Variants in EYA3 observed in about 807,000 individuals in gnomAD.
EYA3 encodes the protein EYA transcriptional coactivator and phosphatase 3, also known as protein phosphatase EYA3.
A neutral mutation model predicts 80.0 loss-of-function variants in EYA3; 39 were observed. The ratio of observed to expected loss-of-function variants is 0.49; its 90% CI spans 0.38 to 0.64. The LOEUF is 0.64. Ranked by LOEUF, EYA3 falls within the 30% of genes least tolerant of loss-of-function variation. The probability of loss-of-function intolerance (pLI) is 0.00; values close to 1 mark genes in which losing one functional copy is unlikely to be tolerated. For missense variants in EYA3, 523 were observed against 676.1 expected, an observed-to-expected ratio of 0.77 and a Z score of 2.51; for synonymous variants, 206 against 232.8, an observed-to-expected ratio of 0.88 and a Z score of 1.05.
intron 6 of EYA3, among the ~76,000 whole-genome samples, chr1:28,033,714 G>A (rs1197470999): frequency 3.3e-5 from 5 of 150,458 alleles, no homozygotes; most frequent in Non-Finnish European, 7.4e-5. Context: ...GAGTGCAGTG[G>A]CACCATCTCG....
chr1:28,088,204 GGGA>G (rs895907045), intron 1 of EYA3, among the ~76,000 whole-genome samples: 5 of 152,162 alleles, frequency 3.3e-5, no homozygotes, highest in African/African-American at 9.7e-5. Context: ...TCTAAAAGAA[GGGA>G]GGAGGAGAAA....
At chr1:28,077,182 C>A (rs991422555) in intron 1 of EYA3, among the ~76,000 whole-genome samples, 4 of 148,644 alleles carry the variant, frequency 2.7e-5, no homozygotes, top group Admixed American at 2.0e-4. Flanking sequence ...CGGCTCACTG[C>A]AACCTCCGCC....
At chr1:28,007,337 CTT>C (rs776771608) in intron 10 of EYA3, among the ~76,000 whole-genome samples, 14 of 131,626 alleles carry the variant, frequency 1.1e-4, no homozygotes, top group African/African-American at 8.3e-5. Flanking sequence ...TTCTTTCTTT[CTT>C]TTTTTTTTTT....
At chr1:27,995,996 C>T (rs566868297) in intron 13 of EYA3, among the ~76,000 whole-genome samples, 1 of 152,188 alleles carries the variant, frequency 6.6e-6, no homozygotes, top group Admixed American at 6.5e-5. Context: ...CCTCAGCCTC[C>T]CAAGTAGCTG....
At chr1:27,991,987 AT>A (rs1640098203) in intron 14 of EYA3, among the ~76,000 whole-genome samples, 1 of 152,246 alleles carries the variant, frequency 6.6e-6, no homozygotes, top group African/African-American at 2.4e-5. Flanking sequence ...CTGGCTTTGA[AT>A]CATGAGAAGA....
chr1:28,043,550 C>T (rs1643894359), intron 3 of EYA3, among the ~76,000 whole-genome samples: 1 of 152,112 alleles, frequency 6.6e-6, no homozygotes, highest in East Asian at 1.9e-4. Flanking sequence ...TCAAATTACA[C>T]GTTTGGGCCA....
At chr1:28,077,470 G>C (rs1200733357) in intron 1 of EYA3, among the ~76,000 whole-genome samples, 1 of 152,126 alleles carries the variant, frequency 6.6e-6, no homozygotes, top group African/African-American at 2.4e-5. Context: ...ATAGTAAAAA[G>C]TATTAAGAAG....
chr1:28,086,629 T>C (rs907576339), intron 1 of EYA3, among the ~76,000 whole-genome samples: 3 of 152,230 alleles, frequency 2.0e-5, no homozygotes, highest in Non-Finnish European at 4.4e-5. Context: ...TTTAATGTTC[T>C]TATCTTAATC....
chr1:28,047,503 T>G (rs1395821598), intron 3 of EYA3, among the ~76,000 whole-genome samples: 1 of 147,180 alleles, frequency 6.8e-6, no homozygotes, highest in East Asian at 1.9e-4. Context: ...ATTCTTGAAA[T>G]TAATGTGGTA....
chr1:27,991,957 A>G (rs1418224859), intron 14 of EYA3, among the ~76,000 whole-genome samples: 1 of 152,222 alleles, frequency 6.6e-6, no homozygotes, highest in African/African-American at 2.4e-5. Flanking sequence ...AAAGATGTGG[A>G]GTTACCAAAA....
chr1:28,061,150 A>G (rs1644608551), intron 1 of EYA3, among the ~76,000 whole-genome samples: 1 of 152,216 alleles, frequency 6.6e-6, no homozygotes, highest in South Asian at 2.1e-4. Flanking sequence ...ATCCCCCGGG[A>G]TTCTACTGGC....
Position 28,078,586 on chromosome 1 carries a change from C to A in EYA3, c.-69+9938G>T, listed in dbSNP as rs754025619. 2.2e-4 allele frequency among the ~76,000 whole-genome samples: 34 copies of A among 152,190 alleles called. 1 individual carries two copies. Among genetic ancestry groups the A allele is most frequent in the African/African-American group, 8.2e-4 (34 of 41,498 alleles). On this transcript the variant is annotated intron_variant, in intron 1 of 17. Coordinates refer to ENST00000373871, the MANE Select transcript of EYA3 (RefSeq NM_001990.4). The stretch of plus-strand genomic sequence containing the variant: ...TAATTGAGACAGTCTCGCTCTGTTA[C>A]CCAGGCTGAAGCGCAGTGGCATGAT...
chr1:28,069,189 C>T (rs538431440), intron 1 of EYA3, among the ~76,000 whole-genome samples: 1 of 152,162 alleles, frequency 6.6e-6, no homozygotes, highest in Admixed American at 6.5e-5. Context: ...CAGCTCACTG[C>T]AACCTCCACC....
chr1:28,040,854 C>CGGGGGGGGG (rs1643734518), intron 4 of EYA3, among the ~76,000 whole-genome samples: 1 of 119,932 alleles, frequency 8.3e-6, no homozygotes, highest in Non-Finnish European at 1.7e-5. Flanking sequence ...GGCGGAGGGG[C>CGGGGGGGGG]AGGGGGGGGT....
At position 28,021,768 on chromosome 1, in the gene EYA3, C is replaced by T. The variant is rs187579395; in HGVS notation, c.500-4529G>A. ...TACAGGTGCCTGACACTACTCCCAACTAATTTTTGTATTTTTAGTAGAAAC... is the reference window on the plus strand; with the variant it reads ...TACAGGTGCCTGACACTACTCCCAATTAATTTTTGTATTTTTAGTAGAAAC... On this transcript the variant is annotated intron_variant, in intron 7 of 17. Coordinates refer to ENST00000373871, the MANE Select transcript of EYA3 (RefSeq NM_001990.4). Among the ~76,000 whole-genome samples, 313 of 152,118 alleles carry T rather than the reference C, an allele frequency of 2.1e-3. 1 individual carries two copies. The highest frequency in any genetic ancestry group is 7.2e-3 in the African/African-American group (300 of 41,476).
chr1:27,985,135 T>TG (rs1203883579), intron 16 of EYA3, among the ~76,000 whole-genome samples: 1 of 152,078 alleles, frequency 6.6e-6, no homozygotes, highest in Non-Finnish European at 1.5e-5. Context: ...TGGAGTACAG[T>TG]GGCATAATCA....
At chr1:28,059,718 T>A (rs1354241997) in intron 1 of EYA3, among the ~76,000 whole-genome samples, 3 of 140,780 alleles carry the variant, frequency 2.1e-5, no homozygotes, top group African/African-American at 5.6e-5. Context: ...TTGTTGGATT[T>A]TTTTTTTTTT....
At chr1:28,006,133 A>G (rs1271015145) in intron 10 of EYA3, among the ~76,000 whole-genome samples, 1 of 152,080 alleles carries the variant, frequency 6.6e-6, no homozygotes, top group Non-Finnish European at 1.5e-5. Flanking sequence ...AAACATCATA[A>G]CCAAGTGAGA....
intron 11 of EYA3, among the ~76,000 whole-genome samples, chr1:28,000,721 G>T (rs1640776288): frequency 1.3e-5 from 2 of 152,142 alleles, no homozygotes; most frequent in African/African-American, 4.8e-5. Flanking sequence ...TTAAGGCTAG[G>T]AATTCTAGAC....
Sources: allele counts gnomAD v4.1 joint callset (sites outside exome capture counted in the v4.1 genomes callset), GRCh38; gene constraint gnomAD v4.1.1; transcripts MANE v1.5; gene names NCBI Gene and HGNC (gene_info 2026-07-23, HGNC 2026-07-21).